SVOPL: variants seen among roughly 807,000 people sequenced by gnomAD.
The protein encoded by SVOPL is putative transporter SVOPL.
SVOPL carries 60 observed loss-of-function variants against 61.0 expected under a neutral mutation model. The ratio of observed to expected loss-of-function variants is 0.98; its 90% CI spans 0.80 to 1.22. The LOEUF is 1.22. SVOPL is among the 50% of genes most tolerant of loss of function. The pLI, the probability that SVOPL is intolerant of heterozygous loss-of-function variation, is 0.00. For missense variants in SVOPL, 662 were observed against 643.9 expected (o/e 1.03, Z -0.30); for synonymous variants, 279 against 250.0 (o/e 1.12, Z -1.09).
At chr7:138,622,254 G>C (rs13222545) in intron 13 of SVOPL, among the ~76,000 whole-genome samples, 19,667 of 50,932 alleles carry the variant, frequency 0.39, 2,416 homozygotes, top group East Asian at 0.54. Context: ...ATCTATCTAT[G>C]TATCTATCTA....
At position 138,595,793 on chromosome 7, in the gene SVOPL, A is replaced by G. The variant is rs148687719; in HGVS notation, c.1467+624T>C. ...CACTCAATGACTGGATCACCTTTCC[A>G]AGTAAGGAACCTAAACAAAGCCCTG... On this transcript the variant is annotated intron_variant, in intron 15 of 15. Coordinates refer to ENST00000674285, the MANE Select transcript of SVOPL (RefSeq NM_001139456.2). Among the ~76,000 whole-genome samples the G allele has an allele frequency of 8.5e-5, 13 of 152,328 alleles. No homozygotes were observed. In the East Asian group the frequency reaches 2.5e-3, roughly 29 times the overall value.
At chr7:138,611,271 G>A (rs1318509069) in intron 14 of SVOPL, among the ~76,000 whole-genome samples, 6 of 152,072 alleles carry the variant, frequency 3.9e-5, no homozygotes, top group African/African-American at 1.2e-4. Context: ...CTAGCTACTC[G>A]GGACGCTGAG....
chr7:138,595,012 T>C (rs1798222854), intron 15 of SVOPL, among the ~76,000 whole-genome samples: 1 of 151,950 alleles, frequency 6.6e-6, no homozygotes, highest in Admixed American at 6.6e-5. Flanking sequence ...TGCCTCAGCC[T>C]CCCAAAGTGC....
chr7:138,602,945 T>C (rs1798593361), intron 14 of SVOPL, among the ~76,000 whole-genome samples: 1 of 152,164 alleles, frequency 6.6e-6, no homozygotes, highest in South Asian at 2.1e-4. Context: ...ATAACACAGA[T>C]ATATCTAGAT....
intron 14 of SVOPL, among the ~76,000 whole-genome samples, chr7:138,609,345 T>C (rs1360541638): frequency 6.6e-6 from 1 of 151,878 alleles, no homozygotes. Context: ...AATTGCACAA[T>C]TGGATAAAAA....
At chr7:138,621,776 C>T (rs1229354681) in intron 13 of SVOPL, among the ~76,000 whole-genome samples, 1 of 119,716 alleles carries the variant, frequency 8.4e-6, no homozygotes, top group East Asian at 2.4e-4. Flanking sequence ...ATCTTAACAG[C>T]ATATTCTATC....
intron 14 of SVOPL, among the ~76,000 whole-genome samples, chr7:138,618,212 T>C (rs551604922): frequency 1.6e-4 from 25 of 152,350 alleles, no homozygotes; most frequent in African/African-American, 6.0e-4. Flanking sequence ...CGTTTCACCT[T>C]GACCGTTATT....
At chr7:138,612,716 T>C (rs1315760375) in intron 14 of SVOPL, among the ~76,000 whole-genome samples, 1 of 152,080 alleles carries the variant, frequency 6.6e-6, no homozygotes, top group African/African-American at 2.4e-5. Flanking sequence ...GTTTTCACCA[T>C]GTTGGCCAGG....
chr7:138,689,812 A>T (rs1366412509), intron 1 of SVOPL, among the ~76,000 whole-genome samples: 1 of 148,524 alleles, frequency 6.7e-6, no homozygotes, highest in African/African-American at 2.5e-5. Flanking sequence ...AGCTGAGATC[A>T]TGCCACTGCA....
In SVOPL at chr7:138,684,717, A is replaced by G. The variant is rs753442059; in HGVS notation, c.-34-5638T>C. On this transcript the variant is annotated intron_variant, in intron 1 of 15. Transcript: ENST00000674285. Reference sequence around the variant, plus strand: ...AAACAGTATTGAACTATCCTCAAAAAATTAAAATAGAACCACCAATATGAT... The same window carrying G: ...AAACAGTATTGAACTATCCTCAAAAGATTAAAATAGAACCACCAATATGAT... Among the ~76,000 whole-genome samples, 97 of 152,196 alleles carry G rather than the reference A, an allele frequency of 6.4e-4. 1 individual carries two copies. Among genetic ancestry groups the G allele is most frequent in the Non-Finnish European group, 2.4e-4 (16 of 68,028 alleles).
chr7:138,608,897 T>C (rs1016072607), intron 14 of SVOPL, among the ~76,000 whole-genome samples: 1 of 152,084 alleles, frequency 6.6e-6, no homozygotes, highest in South Asian at 2.1e-4. Flanking sequence ...AATTGCCAAA[T>C]ACGGAATATT....
chr7:138,654,144 A>AC (rs1801583332), intron 7 of SVOPL, among the ~76,000 whole-genome samples: 1 of 151,786 alleles, frequency 6.6e-6, no homozygotes, highest in South Asian at 2.1e-4. Context: ...AAAAAAAAAA[A>AC]AAAGAATCAT....
intron 1 of SVOPL, among the ~76,000 whole-genome samples, chr7:138,681,191 GTTA>G (rs1802693733): frequency 6.8e-6 from 1 of 147,768 alleles, no homozygotes; most frequent in Non-Finnish European, 1.5e-5. Context: ...ACAAATATAT[GTTA>G]TTAACAAATA....
intron 5 of SVOPL, 81 bp downstream of exon 5, chr7:138,662,993 C>T: frequency 1.3e-6 from 2 of 1,599,406 alleles, no homozygotes; most frequent in South Asian, 2.3e-5. Context: ...GAGATGCCTA[C>T]TAAAGAGAAA....
chr7:138,612,428 ATAAAAAAT>A (rs1799084178), intron 14 of SVOPL, among the ~76,000 whole-genome samples: 7 of 17,706 alleles, frequency 4.0e-4, no homozygotes, highest in Non-Finnish European at 7.5e-4. Flanking sequence ...AAAAAATAAA[ATAAAAAAT>A]AAAAAAAAAA....
At chr7:138,616,229 G>A (rs1799292804) in intron 14 of SVOPL, among the ~76,000 whole-genome samples, 1 of 152,198 alleles carries the variant, frequency 6.6e-6, no homozygotes, top group Non-Finnish European at 1.5e-5. Flanking sequence ...CCTAGCTAGG[G>A]CTAAAGTGAC....
At chr7:138,661,045 T>C in intron 5 of SVOPL, 1 of 984,766 alleles carries the variant, frequency 1.0e-6, no homozygotes, top group Non-Finnish European at 1.2e-6. Flanking sequence ...CTTTTTGTGC[T>C]TTTTTGAGAT....
At chr7:138,680,740 G>A (rs1382856634) in intron 1 of SVOPL, among the ~76,000 whole-genome samples, 10 of 152,012 alleles carry the variant, frequency 6.6e-5, no homozygotes, top group African/African-American at 1.7e-4. Context: ...CACCACGCCC[G>A]GCTAATTTTT....
rs192156292 is a variant in SVOPL at position 138,652,154 on chromosome 7, C to T, written c.535-3017G>A. ...GCAACTTCTGCCCCCCAGGTTCAAG[C>T]GATTCTCCTGCCTCAGCCTCCTGAG... On this transcript the variant is annotated intron_variant, in intron 7 of 15. Coordinates refer to ENST00000674285, the MANE Select transcript of SVOPL (RefSeq NM_001139456.2). 3.8e-3 allele frequency among the ~76,000 whole-genome samples: 573 copies of T among 152,024 alleles called. 3 individuals are homozygous for T. Among genetic ancestry groups the T allele is most frequent in the Non-Finnish European group, 6.0e-3 (411 of 67,966 alleles).
Sources: gnomAD v4.1 joint callset for allele counts (sites outside exome capture counted in the v4.1 genomes callset) on GRCh38, gnomAD v4.1.1 for gene constraint, MANE v1.5 for transcripts, NCBI Gene and HGNC (gene_info 2026-07-23, HGNC 2026-07-21) for gene names.